The following CES1 variants were observed in gnomAD, a reference collection of about 807,000 sequenced individuals.
CES1 encodes the protein carboxylesterase 1, also known as liver carboxylesterase 1.
Under a neutral mutation model 53.0 loss-of-function variants are expected in CES1, and 50 were observed. That is an observed-to-expected ratio of 0.94 (90% CI 0.75 to 1.19). The LOEUF is 1.19. Ranked by LOEUF, CES1 falls within the 50% of genes most tolerant of loss-of-function variation. CES1 has a pLI of 0.00. For synonymous variants in CES1, 202 were observed against 210.1 expected, an observed-to-expected ratio of 0.96 and a Z score of 0.33; for missense variants, 534 against 538.0, an observed-to-expected ratio of 0.99 and a Z score of 0.07.
intron 7 of CES1, 82 bp from the exon 8 acceptor site, chr16:55,817,044 C>G (rs1224811360): frequency 4.2e-6 from 6 of 1,439,136 alleles, no homozygotes; most frequent in Middle Eastern, 1.7e-4. Flanking sequence ...ACAGAGGTGT[C>G]AGGTTCTTCC....
chr16:55,817,327 T>G (rs1224252821), intron 7 of CES1, among the ~76,000 whole-genome samples: 1 of 152,160 alleles, frequency 6.6e-6, no homozygotes, highest in Non-Finnish European at 1.5e-5. Flanking sequence ...AATGGTAGAT[T>G]CTCAATAATA....
intron 7 of CES1, among the ~76,000 whole-genome samples, chr16:55,818,461 A>G (rs1463350168): frequency 1.3e-5 from 2 of 152,222 alleles, no homozygotes; most frequent in Non-Finnish European, 2.9e-5. Flanking sequence ...AAATGGGCAC[A>G]ATGATCTGAA....
Position 55,810,953 on chromosome 16 carries a change from G to C in CES1, c.1144C>G (p.Leu382Val). Reference sequence around the variant, plus strand: ...ACAAGGGGATAGGACTTCCACAGGAGTGACATGGCTGTCTTCTGGTCCAGT... The same window carrying C: ...ACAAGGGGATAGGACTTCCACAGGACTGACATGGCTGTCTTCTGGTCCAGT... ...GQLDQKTAMS[L>V]LWKSYPLVCI... The change falls in exon 10 of 14, where the codon CTC becomes GTC. Residue 382 changes from leucine to valine, a missense_variant. This residue lies in a region of CES1 where 269 missense variants were observed against 206.6 expected (regional missense o/e 1.30). Coordinates refer to ENST00000360526, the MANE Select transcript of CES1 (RefSeq NM_001025195.2). 6.2e-7 allele frequency: 1 copy of C among 1,613,800 alleles called. No homozygotes were observed. The highest frequency in any genetic ancestry group is 8.5e-7 in the Non-Finnish European group (1 of 1,179,892).
At position 55,826,399 on chromosome 16, in the gene CES1, T is replaced by G. The variant is rs148932705; in HGVS notation, c.261-104A>C. 113 of 1,387,024 alleles carry G rather than the reference T, an allele frequency of 8.1e-5. No homozygotes were observed. In the African/African-American group the frequency reaches 1.5e-3, roughly 19 times the overall value. 85.9% of individuals were successfully genotyped at this position (1,387,024 alleles called of 1,614,324 possible). On this transcript the variant is annotated intron_variant, in intron 2 of 13. Coordinates refer to ENST00000360526, the MANE Select transcript of CES1 (RefSeq NM_001025195.2). The stretch of plus-strand genomic sequence containing the variant: ...GGAGGTTTAAGCCTGGAAATGGACT[T>G]GATAGTTACAGACTCACGACATTGT...
At position 55,810,620 on chromosome 16, in the gene CES1, T is replaced by C. The variant is rs116215087; in HGVS notation, c.1215A>G (p.Leu405=). Residue 405 remains leucine, a synonymous_variant, in exon 11 of 14, where the codon TTA becomes TTG. Coordinates refer to ENST00000360526, the MANE Select transcript of CES1 (RefSeq NM_001025195.2). ...ELIPEATEKY[L]GGTDDTVKKK... ...TTTTGACAGTGTCGTCTGTTCCTCC[T>C]AAGTATTTCTCAGTGGCTTCTGGAA... 2.5e-6 allele frequency: 4 copies of C among 1,614,164 alleles called. No individual in the cohort carries two copies. In the African/African-American group the frequency reaches 4.0e-5, roughly 16 times the overall value.
intron 3 of CES1, among the ~76,000 whole-genome samples, chr16:55,825,206 ATGAATGAG>A (rs1460342646): frequency 2.2e-5 from 3 of 138,652 alleles, no homozygotes; most frequent in African/African-American, 8.9e-5. Flanking sequence ...GAATGAATGA[ATGAATGAG>A]TAAACCTTTC....
intron 8 of CES1, among the ~76,000 whole-genome samples, chr16:55,813,538 C>T (rs531141563): frequency 7.2e-5 from 11 of 152,262 alleles, no homozygotes; most frequent in East Asian, 3.9e-4. Flanking sequence ...GAGACTTCCA[C>T]GGCTCCATCC....
chr16:55,829,338 C>T (rs1255628450), intron 1 of CES1, among the ~76,000 whole-genome samples: 1 of 152,248 alleles, frequency 6.6e-6, no homozygotes, highest in African/African-American at 2.4e-5. Flanking sequence ...AGGGGTGTCC[C>T]ATATTCTCAC....
intron 11 of CES1, among the ~76,000 whole-genome samples, chr16:55,809,264 G>A (rs1312486162): frequency 2.0e-5 from 3 of 152,162 alleles, no homozygotes; most frequent in African/African-American, 7.2e-5. Flanking sequence ...CAACTCCAGT[G>A]GTCTTGGTTA....
intron 1 of CES1, among the ~76,000 whole-genome samples, chr16:55,830,970 T>G (rs1241086921): frequency 6.6e-6 from 1 of 152,026 alleles, no homozygotes; most frequent in Non-Finnish European, 1.5e-5. Context: ...GCTGGATCCC[T>G]GTTTACACAG....
chr16:55,831,982 T>C (rs1326680628), intron 1 of CES1, among the ~76,000 whole-genome samples: 2 of 130,186 alleles, frequency 1.5e-5, no homozygotes, highest in African/African-American at 5.5e-5. Context: ...TGAGGCCTTG[T>C]TGACCTTGGA....
At position 55,812,997 on chromosome 16, in the gene CES1, T is replaced by C. The variant is rs765637110; in HGVS notation, c.992A>G (p.Lys331Arg). 3.7e-6 allele frequency: 6 copies of C among 1,614,058 alleles called. No individual in the cohort carries two copies. The South Asian group carries it at 5.5e-5, about 15-fold the overall frequency. Residue 331 changes from lysine (K) to arginine (R), a missense_variant, in exon 9 of 14, where the codon AAA (lysine) becomes AGA (arginine). Physicochemically the swap from Lys to Arg is conservative, Grantham distance 26. Transcript: ENST00000360526. The part of the protein sequence containing the change: ...GTVIDGMLLL[K>R]TPEELQAERN... ...TTCAGCTTGAAGCTCTTCAGGTGTTTTCAGCAGCAGCATCCCATCAATCAC... is the reference window on the plus strand; with the variant it reads ...TTCAGCTTGAAGCTCTTCAGGTGTTCTCAGCAGCAGCATCCCATCAATCAC...
At position 55,813,061 on chromosome 16, in the gene CES1, C is replaced by T. The variant is rs1485882307; in HGVS notation, c.946-18G>A. 5 of 1,613,652 alleles carry T rather than the reference C, an allele frequency of 3.1e-6. No individual in the cohort carries two copies. The highest frequency in any genetic ancestry group is 1.3e-5 in the African/African-American group (1 of 74,916). ...GGTTGACTCTGGGGAGAGAGCAGTG[C>T]AGCACCTGTGATTCCCTCCCTAGTC... On this transcript the variant is annotated intron_variant, in intron 8 of 13. Coordinates refer to ENST00000360526, the MANE Select transcript of CES1 (RefSeq NM_001025195.2).
chr16:55,821,555 C>T, intron 4 of CES1, 34 bp from the exon 5 acceptor site: 1 of 1,613,576 alleles, frequency 6.2e-7, no homozygotes, highest in East Asian at 2.2e-5. Flanking sequence ...GGGTGGGGAG[C>T]AGAGATGTCA....
chr16:55,821,559 G>A lies in CES1; in HGVS notation c.540-38C>T, dbSNP rs554906201. The A allele has an allele frequency of 5.0e-6, 8 of 1,613,346 alleles. No individual in the cohort carries two copies. The Admixed American group carries it at 1.2e-4, about 24-fold the overall frequency. On this transcript the variant is annotated intron_variant, in intron 4 of 13. Transcript: ENST00000360526. Reference sequence around the variant, plus strand: ...GAACAGGTTGAGGGTGGGGAGCAGAGATGTCATGCAGGACCTTCAGGACCA... The same window carrying A: ...GAACAGGTTGAGGGTGGGGAGCAGAAATGTCATGCAGGACCTTCAGGACCA...
In CES1 at chr16:55,828,962, G is replaced by C; in HGVS notation, c.65C>G (p.Ser22Cys). The part of the protein sequence containing the change: ...SASAAWAGHP[S>C]SPPVVDTVHG... ...CACGGTGTCCACCACAGGTGGCGAGGACGGATGCCCTGCTGGACATGGAGA... is the reference window on the plus strand; with the variant it reads ...CACGGTGTCCACCACAGGTGGCGAGCACGGATGCCCTGCTGGACATGGAGA... The change falls in exon 2 of 14, where the codon TCC becomes TGC. Residue 22 changes from serine (S) to cysteine (C), a missense_variant. Transcript: ENST00000360526. The C allele has an allele frequency of 6.2e-7, 1 of 1,610,396 alleles. No homozygotes were observed. The highest frequency in any genetic ancestry group is 8.5e-7 in the Non-Finnish European group (1 of 1,178,324).
chr16:55,820,544 T>C (rs2032133871), intron 5 of CES1, 65 bp from the exon 6 acceptor site: 2 of 1,607,320 alleles, frequency 1.2e-6, no homozygotes, highest in Non-Finnish European at 1.7e-6. Context: ...TCACTCGCTA[T>C]TCCAGGCTAG....
intron 8 of CES1, among the ~76,000 whole-genome samples, chr16:55,814,947 T>C (rs1162264497): frequency 1.3e-5 from 2 of 152,234 alleles, no homozygotes; most frequent in Non-Finnish European, 2.9e-5. Context: ...GCAGGGCTGC[T>C]GTGGGAGGCC....
At position 55,819,625 on chromosome 16, in the gene CES1, A is replaced by G. The variant is rs779739501; in HGVS notation, c.816T>C (p.Thr272=). ...CAGAGGTGGTGGTTTTGCACCCAGC[A>G]GTGATAGCAATTTGCTGCAAAGATC... ...VKPLAEQIAI[T]AGCKTTTSAV... The change falls in exon 7 of 14, where the codon ACT becomes ACC. Residue 272 remains threonine, a synonymous_variant. Coordinates refer to ENST00000360526, the MANE Select transcript of CES1 (RefSeq NM_001025195.2). 1.9e-6 allele frequency: 3 copies of G among 1,613,754 alleles called. No homozygotes were observed. The highest frequency in any genetic ancestry group is 2.5e-6 in the Non-Finnish European group (3 of 1,179,790).
Sources: gnomAD v4.1 joint callset for allele counts (sites outside exome capture counted in the v4.1 genomes callset) on GRCh38, gnomAD v4.1.1 for gene constraint, gnomAD v4.1.1 regional missense constraint, MANE v1.5 for transcripts, NCBI Gene and HGNC (gene_info 2026-07-23, HGNC 2026-07-21) for gene names.